The following LYPLAL1 variants were observed in gnomAD, a reference collection of about 807,000 sequenced individuals.
LYPLAL1 encodes the protein lysophospholipase like 1, also known as lysophospholipase-like protein 1.
Under a neutral mutation model 19.7 loss-of-function variants are expected in LYPLAL1, and 23 were observed. The ratio of observed to expected loss-of-function variants is 1.17; its 90% CI spans 0.84 to 1.65. LYPLAL1 has a LOEUF of 1.65. LYPLAL1 is among the 40% of genes most tolerant of loss of function. The pLI, the probability that LYPLAL1 is intolerant of heterozygous loss-of-function variation, is 0.00. For missense variants in LYPLAL1, 355 were observed against 279.4 expected, an observed-to-expected ratio of 1.27 and a Z score of -1.93; for synonymous variants, 119 against 96.3, an observed-to-expected ratio of 1.24 and a Z score of -1.38.
chr1:219,320,485 C>T, the LYPLAL1 span, among the ~76,000 whole-genome samples: 1 of 152,172 alleles, frequency 6.6e-6, no homozygotes, highest in Non-Finnish European at 1.5e-5. Context: ...TACATGTGCA[C>T]AACGTGCAGG....
chr1:219,272,853 A>G, the LYPLAL1 span: 12 of 152,222 alleles, frequency 7.9e-5, no homozygotes, highest in Non-Finnish European at 2.9e-5. Flanking sequence ...AGAAAATTAG[A>G]ATCGGAATTG....
chr1:219,220,250 A>C, the LYPLAL1 span, among the ~76,000 whole-genome samples: 1 of 152,024 alleles, frequency 6.6e-6, no homozygotes. Flanking sequence ...TTGGCGAGTA[A>C]TGTACTCAAC....
chr1:219,205,158 C>A (rs1329613028), intron 3 of LYPLAL1, among the ~76,000 whole-genome samples: 2 of 151,464 alleles, frequency 1.3e-5, no homozygotes, highest in Non-Finnish European at 2.9e-5. Flanking sequence ...GAGATCGAGA[C>A]CATCCTGGCT....
chr1:219,371,374 TG>T, the LYPLAL1 span, among the ~76,000 whole-genome samples: 1 of 152,132 alleles, frequency 6.6e-6, no homozygotes, highest in African/African-American at 2.4e-5. Flanking sequence ...ATTGCCCTCC[TG>T]GGGGGTCAGG....
At chr1:219,209,173 C>T (rs550011950) in intron 3 of LYPLAL1, among the ~76,000 whole-genome samples, 15 of 152,138 alleles carry the variant, frequency 9.9e-5, no homozygotes, top group East Asian at 5.8e-4. Context: ...GCTACTGCTA[C>T]GATAAGAACT....
chr1:219,364,988 G>C, the LYPLAL1 span, among the ~76,000 whole-genome samples: 1 of 152,116 alleles, frequency 6.6e-6, no homozygotes, highest in South Asian at 2.1e-4. Flanking sequence ...TCTTTTCCTT[G>C]TGTTTGGTGG....
At chr1:219,308,140 G>T in the LYPLAL1 span, among the ~76,000 whole-genome samples, 1 of 152,188 alleles carries the variant, frequency 6.6e-6, no homozygotes, top group Non-Finnish European at 1.5e-5. Flanking sequence ...TTAATGAAGA[G>T]ACTGGTGGCA....
At chr1:219,264,097 T>A in the LYPLAL1 span, among the ~76,000 whole-genome samples, 2 of 152,180 alleles carry the variant, frequency 1.3e-5, no homozygotes, top group African/African-American at 4.8e-5. Context: ...CAATTTTTAT[T>A]TTTTAAAAAA....
chr1:219,442,417 C>T, the LYPLAL1 span, among the ~76,000 whole-genome samples: 10 of 152,210 alleles, frequency 6.6e-5, no homozygotes, highest in African/African-American at 2.4e-4. Context: ...TGGAAACACA[C>T]ATCTGCCTCA....
the LYPLAL1 span, among the ~76,000 whole-genome samples, chr1:219,415,606 C>G: frequency 6.6e-6 from 1 of 152,186 alleles, no homozygotes; most frequent in African/African-American, 2.4e-5. Flanking sequence ...TCTTGCACTT[C>G]AATGGAAATT....
chr1:219,424,023 GAT>G, the LYPLAL1 span, among the ~76,000 whole-genome samples: 1 of 148,544 alleles, frequency 6.7e-6, no homozygotes, highest in Non-Finnish European at 1.5e-5. Flanking sequence ...TACTGTATAT[GAT>G]ATATATTATA....
chr1:219,398,105 A>G, the LYPLAL1 span, among the ~76,000 whole-genome samples: 3 of 152,136 alleles, frequency 2.0e-5, no homozygotes, highest in Admixed American at 6.5e-5. Context: ...CTCTCTAGCT[A>G]GGTTGTTGAA....
the LYPLAL1 span, among the ~76,000 whole-genome samples, chr1:219,314,374 T>C: frequency 6.6e-6 from 1 of 152,266 alleles, no homozygotes; most frequent in Non-Finnish European, 1.5e-5. Context: ...GGTAATTCTG[T>C]TTTAACCTCT....
the LYPLAL1 span, among the ~76,000 whole-genome samples, chr1:219,257,354 TTTTTG>T: frequency 1.1e-4 from 2 of 19,026 alleles, no homozygotes; most frequent in Admixed American, 8.2e-4. Flanking sequence ...TCCATACCAG[TTTTTG>T]TTTTTTTTTT....
At chr1:219,366,840 T>G in the LYPLAL1 span, among the ~76,000 whole-genome samples, 1 of 152,064 alleles carries the variant, frequency 6.6e-6, no homozygotes, top group African/African-American at 2.4e-5. Context: ...CTGCGTCAGT[T>G]AAAGTGAAGA....
intron 3 of LYPLAL1, among the ~76,000 whole-genome samples, chr1:219,201,224 T>C (rs2125090272): frequency 6.6e-6 from 1 of 152,252 alleles, no homozygotes; most frequent in East Asian, 1.9e-4. Flanking sequence ...ACTTTTAAAA[T>C]CTTTTATAAT....
the LYPLAL1 span, among the ~76,000 whole-genome samples, chr1:219,260,097 T>A: frequency 1.3e-5 from 2 of 151,916 alleles, no homozygotes; most frequent in East Asian, 3.9e-4. Context: ...ACAGCAGAAT[T>A]TTTAAAAGAA....
the LYPLAL1 span, among the ~76,000 whole-genome samples, chr1:219,380,880 A>T: frequency 6.6e-6 from 1 of 152,200 alleles, no homozygotes; most frequent in African/African-American, 2.4e-5. Context: ...GCTGTGTTCT[A>T]ATAAAATTGT....
chr1:219,429,410 C>T, the LYPLAL1 span, among the ~76,000 whole-genome samples: 1 of 152,154 alleles, frequency 6.6e-6, no homozygotes, highest in Non-Finnish European at 1.5e-5. Context: ...GTAGTCCCAG[C>T]TCTTTGGGAG....
Sources: allele counts gnomAD v4.1 joint callset (sites outside exome capture counted in the v4.1 genomes callset), GRCh38; gene constraint gnomAD v4.1.1; transcripts MANE v1.5; gene names NCBI Gene and HGNC (gene_info 2026-07-23, HGNC 2026-07-21).